The following PROM1 variants were observed in gnomAD, a reference collection of about 807,000 sequenced individuals.
PROM1 encodes prominin 1, also known as prominin-1.
Under a neutral mutation model 116.9 loss-of-function variants are expected in PROM1, and 105 were observed. That is an observed-to-expected ratio of 0.90 (90% CI 0.77 to 1.06). The LOEUF (loss-of-function observed/expected upper bound fraction) is 1.06. Ranked by LOEUF, PROM1 falls within the 50% of genes least tolerant of loss-of-function variation. The pLI is 0.00. For synonymous variants in PROM1, 393 were observed against 387.0 expected (o/e 1.02, Z -0.18); for missense variants, 1,122 against 1,045.2 (o/e 1.07, Z -1.01).
At chr4:16,071,263 G>A (rs1449640927) in intron 2 of PROM1, among the ~76,000 whole-genome samples, 1 of 152,132 alleles carries the variant, frequency 6.6e-6, no homozygotes, top group Non-Finnish European at 1.5e-5. Context: ...ACCGCAGAAC[G>A]CAGGGACTTT....
At chr4:16,051,400 C>G (rs556488036) in intron 2 of PROM1, among the ~76,000 whole-genome samples, 12 of 152,306 alleles carry the variant, frequency 7.9e-5, no homozygotes, top group African/African-American at 2.6e-4. Context: ...AATGTTATGC[C>G]ATTATTATCA....
chr4:16,032,424 T>C (rs571942084), intron 5 of PROM1, among the ~76,000 whole-genome samples: 32 of 152,282 alleles, frequency 2.1e-4, no homozygotes, highest in Non-Finnish European at 4.0e-4. Context: ...GAATATCACT[T>C]CCTTAGTAAA....
chr4:16,036,598 T>A (rs987892091), intron 3 of PROM1, among the ~76,000 whole-genome samples: 2 of 152,158 alleles, frequency 1.3e-5, no homozygotes, highest in Non-Finnish European at 2.9e-5. Context: ...TCACAGTGTG[T>A]GTTAAAGAAA....
intron 2 of PROM1, among the ~76,000 whole-genome samples, chr4:16,073,474 G>A (rs1215146624): frequency 2.6e-5 from 4 of 152,050 alleles, no homozygotes; most frequent in African/African-American, 9.7e-5. Flanking sequence ...AGCACCCAGT[G>A]GGCACTTTAA....
At chr4:15,983,679 C>T (rs1472890163) in intron 23 of PROM1, among the ~76,000 whole-genome samples, 1 of 152,128 alleles carries the variant, frequency 6.6e-6, no homozygotes, top group Non-Finnish European at 1.5e-5. Context: ...AGAGAGCACA[C>T]AGTGAGATCT....
chr4:16,040,768 G>A (rs577728074), intron 2 of PROM1, among the ~76,000 whole-genome samples: 8 of 152,280 alleles, frequency 5.3e-5, no homozygotes, highest in African/African-American at 1.9e-4. Context: ...TGGGCACATG[G>A]TATATACCTG....
At position 16,057,553 on chromosome 4, in the gene PROM1, A is replaced by T. The variant is rs567828425; in HGVS notation, c.220+18134T>A. 2.0e-5 allele frequency among the ~76,000 whole-genome samples: 3 copies of T among 152,266 alleles called. No individual in the cohort carries two copies. In the South Asian group the frequency reaches 6.2e-4, roughly 32 times the overall value. ...TCTTCTCCACAGGCTTCTTCAACAG[A>T]ATCTTTGTCTCTCCAGCCATTTTCT... On this transcript the variant is annotated intron_variant, in intron 2 of 27. Coordinates refer to ENST00000447510, the MANE Select transcript of PROM1 (RefSeq NM_006017.3).
chr4:15,984,064 C>G (rs760661579), intron 23 of PROM1, among the ~76,000 whole-genome samples, 199 bp downstream of exon 23: 1 of 152,110 alleles, frequency 6.6e-6, no homozygotes, highest in South Asian at 2.1e-4. Flanking sequence ...AAATATAATC[C>G]TAGTGAGGAA....
At chr4:15,979,841 C>T in intron 25 of PROM1, 40 bp downstream of exon 25, 1 of 1,428,182 alleles carries the variant, frequency 7.0e-7, no homozygotes, top group Non-Finnish European at 9.6e-7. Flanking sequence ...TCAACCTCCC[C>T]CATCCCATCT....
chr4:16,034,107 GAT>G (rs2149385812), intron 4 of PROM1, among the ~76,000 whole-genome samples: 1 of 152,172 alleles, frequency 6.6e-6, no homozygotes, highest in South Asian at 2.1e-4. Flanking sequence ...TTTTTAAATG[GAT>G]CAATAAATCT....
chr4:16,036,740 G>A (rs1328218336), intron 3 of PROM1, among the ~76,000 whole-genome samples: 2 of 152,144 alleles, frequency 1.3e-5, no homozygotes, highest in Admixed American at 6.5e-5. Context: ...TCTGCTTCAG[G>A]GGGAACCAAC....
At chr4:16,015,341 A>C (rs1728054416) in intron 10 of PROM1, among the ~76,000 whole-genome samples, 1 of 71,014 alleles carries the variant, frequency 1.4e-5, no homozygotes. Context: ...GCAAGACTCC[A>C]TCTCAAAAAA....
intron 3 of PROM1, among the ~76,000 whole-genome samples, chr4:16,036,103 A>T (rs1187788659): frequency 6.6e-6 from 1 of 152,208 alleles, no homozygotes; most frequent in Non-Finnish European, 1.5e-5. Flanking sequence ...CATAAAATAG[A>T]GAATCAGATC....
intron 2 of PROM1, among the ~76,000 whole-genome samples, chr4:16,062,352 GAC>G (rs1214096449): frequency 6.6e-6 from 1 of 152,130 alleles, no homozygotes; most frequent in Non-Finnish European, 1.5e-5. Flanking sequence ...ATTTTCGGGT[GAC>G]ACAATTCAAC....
chr4:16,017,417 T>C (rs978373760), intron 9 of PROM1, among the ~76,000 whole-genome samples: 1 of 152,220 alleles, frequency 6.6e-6, no homozygotes, highest in Admixed American at 6.5e-5. Flanking sequence ...CAATCAAAAA[T>C]GATTATAGTG....
chr4:16,023,057 T>G (rs987072823), intron 8 of PROM1, among the ~76,000 whole-genome samples: 16 of 151,208 alleles, frequency 1.1e-4, no homozygotes, highest in Non-Finnish European at 1.9e-4. Context: ...ATGGCTGTGT[T>G]CCGATAAAAC....
At chr4:16,027,325 A>AC (rs1731581048) in intron 5 of PROM1, among the ~76,000 whole-genome samples, 1 of 105,908 alleles carries the variant, frequency 9.4e-6, no homozygotes, top group Non-Finnish European at 1.9e-5. Flanking sequence ...CACACACACA[A>AC]AAGTTGAGTC....
At chr4:15,978,211 C>T (rs146145177) in intron 26 of PROM1, among the ~76,000 whole-genome samples, 4 of 152,288 alleles carry the variant, frequency 2.6e-5, no homozygotes, top group African/African-American at 9.6e-5. Context: ...TGTTTATAAG[C>T]TACCCAGTTT....
At chr4:15,996,754 T>C (rs796071417) in intron 15 of PROM1, among the ~76,000 whole-genome samples, 2 of 152,280 alleles carry the variant, frequency 1.3e-5, no homozygotes, top group African/African-American at 4.8e-5. Context: ...ACTACTAAGC[T>C]ATATAATAAC....
Sources: gnomAD v4.1 joint callset for allele counts (sites outside exome capture counted in the v4.1 genomes callset) on GRCh38, gnomAD v4.1.1 for gene constraint, MANE v1.5 for transcripts, NCBI Gene and HGNC (gene_info 2026-07-23, HGNC 2026-07-21) for gene names.